Variants in VIRMA observed in about 807,000 individuals in gnomAD.
VIRMA encodes the protein protein virilizer homolog.
Under a neutral mutation model 182.4 loss-of-function variants are expected in VIRMA, and 65 were observed. That is an observed-to-expected ratio of 0.36 (90% CI 0.29 to 0.44). The LOEUF is 0.44. Ranked by LOEUF, VIRMA falls within the 20% of genes least tolerant of loss-of-function variation. The probability of loss-of-function intolerance (pLI) is 1.00; values close to 1 mark genes in which losing one functional copy is unlikely to be tolerated. For missense variants in VIRMA, 1,752 were observed against 2,158.1 expected (o/e 0.81, Z 3.73); for synonymous variants, 709 against 743.1 (o/e 0.95, Z 0.75).
At chr8:94,504,098 C>T (rs1476234304) in intron 16 of VIRMA, among the ~76,000 whole-genome samples, 5 of 151,738 alleles carry the variant, frequency 3.3e-5, no homozygotes, top group African/African-American at 1.2e-4. Flanking sequence ...CACATGAACC[C>T]GGGTGGCAGA....
At chr8:94,510,275 G>A (rs1814317155) in intron 14 of VIRMA, 142 bp downstream of exon 14, 4 of 629,050 alleles carry the variant, frequency 6.4e-6, no homozygotes, top group Non-Finnish European at 1.1e-5. Context: ...ATTCATATGT[G>A]TGCATATGTA....
chr8:94,553,346 G>A, intron 1 of VIRMA, 39 bp downstream of exon 1: 1 of 1,600,826 alleles, frequency 6.2e-7, no homozygotes, highest in East Asian at 2.2e-5. Context: ...AAGATCCCAA[G>A]TCAAGAAGCA....
intron 2 of VIRMA, among the ~76,000 whole-genome samples, chr8:94,538,658 G>A (rs1482513921): frequency 1.3e-5 from 2 of 152,012 alleles, no homozygotes; most frequent in African/African-American, 4.8e-5. Flanking sequence ...ACCCAAGCTG[G>A]AGTGCAATGG....
chr8:94,509,919 T>C lies in VIRMA; in HGVS notation c.3648A>G (p.Lys1216=). ...DLQSTSEDKE[K]QYTSQTTRLL... is the part of the protein sequence containing the mutation. ...ACCTGGTGGTTTGGCTAGTATACTG[T>C]TTTTCTTTATCTTCTGAAGTGCTGA... The change falls in exon 15 of 24, where the codon AAA becomes AAG. Residue 1216 remains lysine, a synonymous_variant. Transcript: ENST00000297591. 1 of 1,609,476 alleles carries C rather than the reference T, an allele frequency of 6.2e-7. No individual in the cohort carries two copies. The highest frequency in any genetic ancestry group is 8.5e-7 in the Non-Finnish European group (1 of 1,178,594).
intron 16 of VIRMA, 92 bp downstream of exon 16, chr8:94,506,408 C>G: frequency 1.3e-6 from 1 of 785,068 alleles, no homozygotes; most frequent in East Asian, 2.6e-5. Flanking sequence ...CTTCAACTTT[C>G]TACAATAGGT....
Position 94,529,197 on chromosome 8 carries a change from ATCT to A in VIRMA, c.750_752del (p.Glu250del), listed in dbSNP as rs768834731. The A allele has an allele frequency of 3.1e-5, 46 of 1,481,932 alleles. No homozygotes were observed. Among genetic ancestry groups the A allele is most frequent in the Non-Finnish European group, 4.2e-5 (45 of 1,060,140 alleles). 91.8% of individuals were successfully genotyped at this position (1,481,932 alleles called of 1,614,324 possible). ...CTTCCTCTACATCCACATCATCTTC[ATCT>A]TCTTCTCCTTCTTCTTGTTGTTCCT... is the stretch of plus-strand genomic sequence containing the variant. On this transcript the variant is annotated inframe_deletion, in exon 7 of 24. Coordinates refer to ENST00000297591, the MANE Select transcript of VIRMA (RefSeq NM_015496.5).
At position 94,526,755 on chromosome 8, in the gene VIRMA, A is replaced by C; in HGVS notation, c.1489T>G (p.Ser497Ala). ...FELLFADHVS[S>A]SLKLNAFKAL... ...TTAAAAGCATTTAACTTAAGAGAAG[A>C]TGATACGTGATCAGCAAACAGAAGT... is the stretch of plus-strand genomic sequence containing the variant. The change falls in exon 8 of 24, where the codon TCT becomes GCT. Residue 497 changes from serine to alanine, a missense_variant. By Grantham distance (99) the Ser-to-Ala change is moderately conservative. Coordinates refer to ENST00000297591, the MANE Select transcript of VIRMA (RefSeq NM_015496.5). 6.2e-7 allele frequency: 1 copy of C among 1,614,002 alleles called. No individual in the cohort carries two copies. Among genetic ancestry groups the C allele is most frequent in the Non-Finnish European group, 8.5e-7 (1 of 1,180,036 alleles).
intron 21 of VIRMA, among the ~76,000 whole-genome samples, chr8:94,492,167 A>T (rs28564036): frequency 8.1e-4 from 123 of 152,298 alleles, no homozygotes; most frequent in Middle Eastern, 3.4e-3. Context: ...AGAAAACAAT[A>T]TAACAAATGT....
rs558666790 is a variant in VIRMA, at chr8:94,491,083, G to T, written c.5140+495C>A. On this transcript the variant is annotated intron_variant, in intron 22 of 23. Transcript: ENST00000297591. ...AATCCCAGCACTTTGGGAAGCCAAG[G>T]GGGGTGAATCACTTGAGGTCAGGAG... 6.3e-4 allele frequency among the ~76,000 whole-genome samples: 96 copies of T among 151,684 alleles called. 1 individual carries two copies. Among genetic ancestry groups the T allele is most frequent in the African/African-American group, 2.0e-3 (82 of 41,108 alleles).
At chr8:94,552,635 T>C (rs1256052182) in intron 1 of VIRMA, among the ~76,000 whole-genome samples, 2 of 152,182 alleles carry the variant, frequency 1.3e-5, no homozygotes, top group African/African-American at 4.8e-5. Context: ...TCAGGAATCT[T>C]TAGTTAACCA....
At chr8:94,507,895 A>ATATATATGTATATATG (rs746921505) in intron 15 of VIRMA, among the ~76,000 whole-genome samples, 10 of 148,830 alleles carry the variant, frequency 6.7e-5, no homozygotes, top group African/African-American at 2.0e-4. Context: ...GTATATATGT[A>ATATATATGTATATATG]TATATATGTA....
chr8:94,546,987 G>T, intron 1 of VIRMA: 1 of 455,170 alleles, frequency 2.2e-6, no homozygotes, highest in South Asian at 1.5e-5. Flanking sequence ...CTCTCTGCTT[G>T]AAATCTATCA....
intron 1 of VIRMA, among the ~76,000 whole-genome samples, chr8:94,552,075 A>T (rs757333091): frequency 9.2e-5 from 14 of 152,206 alleles, no homozygotes; most frequent in Non-Finnish European, 2.9e-5. Context: ...TTCTGATCCA[A>T]CTACTGCCTC....
At chr8:94,490,136 CTTT>C (rs1813563609) in intron 22 of VIRMA, 54 bp from the exon 23 acceptor site, 1 of 1,537,566 alleles carries the variant, frequency 6.5e-7, no homozygotes, top group African/African-American at 1.4e-5. Context: ...CAGTTGGATT[CTTT>C]TAAGTGACAG....
At chr8:94,519,515 A>G (rs567070091) in intron 8 of VIRMA, 39 bp from the exon 9 acceptor site, 2 of 1,508,278 alleles carry the variant, frequency 1.3e-6, no homozygotes, top group South Asian at 2.8e-5. Flanking sequence ...AGTCAGTGCA[A>G]AGCATTCTTC....
intron 5 of VIRMA, among the ~76,000 whole-genome samples, chr8:94,532,382 C>G (rs1815201312): frequency 6.6e-6 from 1 of 152,222 alleles, no homozygotes; most frequent in South Asian, 2.1e-4. Context: ...GCTGGGATTA[C>G]AGGCGTGAGC....
At chr8:94,492,353 G>A (rs112356918) in intron 21 of VIRMA, among the ~76,000 whole-genome samples, 22,062 of 149,782 alleles carry the variant, frequency 0.15, 2,032 homozygotes, top group South Asian at 0.3. Flanking sequence ...GCGTGATCTC[G>A]GCTCAATGCA....
intron 16 of VIRMA, among the ~76,000 whole-genome samples, chr8:94,502,707 T>TG (rs1814033390): frequency 6.6e-6 from 1 of 152,076 alleles, no homozygotes; most frequent in Non-Finnish European, 1.5e-5. Context: ...CCATCTTGGC[T>TG]GGAACAGGGA....
Position 94,529,242 on chromosome 8 carries a change from A to T in VIRMA, c.708T>A (p.Asp236Glu), listed in dbSNP as rs1305385862. 6.2e-7 allele frequency: 1 copy of T among 1,600,826 alleles called. No individual in the cohort carries two copies. Among genetic ancestry groups the T allele is most frequent in the Non-Finnish European group, 8.6e-7 (1 of 1,168,014 alleles). The part of the protein sequence containing the change: ...NSVPQEGQYS[D>E]EGEVEEEQQE... ...GTTGTTCCTCTTCTACTTCTCCTTC[A>T]TCAGAATATTGCCCTTCCTGGGGAA... Residue 236 changes from aspartate to glutamate, a missense_variant, in exon 7 of 24, where the codon GAT (aspartate) becomes GAA (glutamate). Asp to Glu is a conservative substitution (Grantham distance 45). Transcript: ENST00000297591.
Sources: allele counts gnomAD v4.1 joint callset (sites outside exome capture counted in the v4.1 genomes callset), GRCh38; gene constraint gnomAD v4.1.1; transcripts MANE v1.5; gene names NCBI Gene and HGNC (gene_info 2026-07-23, HGNC 2026-07-21).